Variants in OR4K1 observed in about 807,000 individuals in gnomAD.
OR4K1 encodes the protein olfactory receptor 4K1.
Under a neutral mutation model 14.4 loss-of-function variants are expected in OR4K1, and 16 were observed. That is an observed-to-expected ratio of 1.11 (90% CI 0.75 to 1.68). The LOEUF is 1.68. Among genes scored for constraint, OR4K1 ranks in the 40% most tolerant of loss-of-function variants. The pLI, the probability that OR4K1 is intolerant of heterozygous loss-of-function variation, is 0.00. For missense variants in OR4K1, 548 were observed against 376.9 expected, an observed-to-expected ratio of 1.45 and a Z score of -3.76; for synonymous variants, 181 against 133.1, an observed-to-expected ratio of 1.36 and a Z score of -2.48.
At chr14:19,934,401 G>C (rs1882256206) in intron 1 of OR4K1, among the ~76,000 whole-genome samples, 1 of 152,278 alleles carries the variant, frequency 6.6e-6, no homozygotes, top group Non-Finnish European at 1.5e-5. Flanking sequence ...AAAGGTGTTA[G>C]AGATTTTGAC....
upstream of OR4K1, among the ~76,000 whole-genome samples, chr14:19,929,901 T>C (rs1882148778): frequency 6.6e-6 from 1 of 152,250 alleles, no homozygotes; most frequent in African/African-American, 2.4e-5. Context: ...TTAGGCTTTA[T>C]GCTTTTGAAT....
chr14:19,936,150 T>C lies in OR4K1; in HGVS notation c.484T>C (p.Phe162Leu). ...TCTTCATTCTGTGAGCCACTTGGCTTTTACAGTGGACCTGCCATTCTGTGG... is the reference window on the plus strand; with the variant it reads ...TCTTCATTCTGTGAGCCACTTGGCTCTTACAGTGGACCTGCCATTCTGTGG... ...GVLHSVSHLA[F>L]TVDLPFCGPN... is the part of the protein sequence containing the mutation. The change falls in exon 2 of 2, where the codon TTT becomes CTT. Residue 162 changes from phenylalanine to leucine, a missense_variant. Transcript: ENST00000641172. 1 of 1,614,256 alleles carries C rather than the reference T, an allele frequency of 6.2e-7. No homozygotes were observed. The highest frequency in any genetic ancestry group is 1.1e-5 in the South Asian group (1 of 91,088).
At chr14:19,923,264 G>T in the OR4K1 span, among the ~76,000 whole-genome samples, 1 of 152,210 alleles carries the variant, frequency 6.6e-6, no homozygotes. Flanking sequence ...TTTCGTTAAT[G>T]CATGTGTTTA....
At chr14:19,926,375 T>G (rs544024148), upstream of OR4K1, among the ~76,000 whole-genome samples, 5 of 152,368 alleles carry the variant, frequency 3.3e-5, no homozygotes, top group South Asian at 1.0e-3. Context: ...ATGGTCATGA[T>G]AATCTATAGA....
chr14:19,931,574 A>T (rs1882185062), intron 1 of OR4K1, among the ~76,000 whole-genome samples: 1 of 152,252 alleles, frequency 6.6e-6, no homozygotes, highest in African/African-American at 2.4e-5. Context: ...GTTTGCTTCT[A>T]GGCTTATAGG....
intron 1 of OR4K1, among the ~76,000 whole-genome samples, chr14:19,933,072 T>A (rs1882221733): frequency 6.6e-6 from 1 of 151,486 alleles, no homozygotes; most frequent in Non-Finnish European, 1.5e-5. Flanking sequence ...TACTGTGTGA[T>A]TCATTTAAGT....
upstream of OR4K1, among the ~76,000 whole-genome samples, chr14:19,926,562 A>G (rs1405171483): frequency 6.6e-6 from 1 of 152,228 alleles, no homozygotes; most frequent in Non-Finnish European, 1.5e-5. Flanking sequence ...TAAAATACAC[A>G]TTATTTTGTT....
At chr14:19,928,969 T>G (rs1298595986), upstream of OR4K1, among the ~76,000 whole-genome samples, 1 of 151,976 alleles carries the variant, frequency 6.6e-6, no homozygotes, top group Non-Finnish European at 1.5e-5. Flanking sequence ...TTTTGATATA[T>G]CAAATCTAAA....
At chr14:19,929,731 C>T (rs960736933), upstream of OR4K1, among the ~76,000 whole-genome samples, 14 of 152,282 alleles carry the variant, frequency 9.2e-5, no homozygotes, top group African/African-American at 2.9e-4. Flanking sequence ...AGCCAGACAG[C>T]ACGAAAAACA....
chr14:19,931,551 T>C (rs546411009), intron 1 of OR4K1, among the ~76,000 whole-genome samples: 1 of 152,372 alleles, frequency 6.6e-6, no homozygotes, highest in Non-Finnish European at 1.5e-5. Context: ...TGGTCAGTAG[T>C]ATATCCTTTA....
chr14:19,922,074 C>CCT, the OR4K1 span, among the ~76,000 whole-genome samples: 2 of 129,176 alleles, frequency 1.5e-5, no homozygotes, highest in African/African-American at 5.4e-5. Context: ...GAGACTCCCC[C>CCT]CCCCAAAAAT....
chr14:19,926,978 C>T (rs1366876123), upstream of OR4K1, among the ~76,000 whole-genome samples: 1 of 152,202 alleles, frequency 6.6e-6, no homozygotes, highest in Non-Finnish European at 1.5e-5. Context: ...AAGTGACTGC[C>T]TACATGAAAA....
chr14:19,929,914 T>C (rs1467812987), upstream of OR4K1, among the ~76,000 whole-genome samples: 2 of 152,250 alleles, frequency 1.3e-5, no homozygotes, highest in African/African-American at 4.8e-5. Context: ...TTTTGAATTT[T>C]TCTTTGTAGT....
chr14:19,920,624 T>G, the OR4K1 span: 1 of 1,610,082 alleles, frequency 6.2e-7, no homozygotes, highest in South Asian at 1.1e-5. Flanking sequence ...AGTCCAATTC[T>G]TCAGTGGTGT....
At position 19,933,909 on chromosome 14, in the gene OR4K1, A is replaced by G. The variant is rs1228133468; in HGVS notation, c.-19-1739A>G. Among the ~76,000 whole-genome samples, 9 of 152,320 alleles carry G rather than the reference A, an allele frequency of 5.9e-5. No homozygotes were observed. In the East Asian group the frequency reaches 1.4e-3, roughly 23 times the overall value. On this transcript the variant is annotated intron_variant, in intron 1 of 1. Coordinates refer to ENST00000641172, the MANE Select transcript of OR4K1 (RefSeq NM_001004063.3). Reference sequence around the variant, plus strand: ...CTGCATTCTTCTTAAAACCAATTCAATTCTTCATAACCAATGCAAACACGG... The same window carrying G: ...CTGCATTCTTCTTAAAACCAATTCAGTTCTTCATAACCAATGCAAACACGG...
intron 1 of OR4K1, among the ~76,000 whole-genome samples, chr14:19,932,771 G>T (rs1329888643): frequency 6.6e-6 from 1 of 152,108 alleles, no homozygotes; most frequent in Admixed American, 6.6e-5. Context: ...TTGAATGGTA[G>T]CTACTTTGTA....
rs777525228 is a variant in OR4K1 at position 19,935,954 on chromosome 14, T to A, written c.288T>A (p.Gly96=). The A allele has an allele frequency of 6.2e-7, 1 of 1,614,232 alleles. No homozygotes were observed. The highest frequency in any genetic ancestry group is 2.2e-5 in the East Asian group (1 of 44,890). Residue 96 remains glycine (G), a synonymous_variant, in exon 2 of 2, where the codon GGT becomes GGA. Coordinates refer to ENST00000641172, the MANE Select transcript of OR4K1 (RefSeq NM_001004063.3). ...FIERKTISFE[G]CMAQIFVLHS... Reference sequence around the variant, plus strand: ...AGCGCAAGACTATCTCCTTTGAGGGTTGCATGGCCCAGATATTCGTTCTTC... The same window carrying A: ...AGCGCAAGACTATCTCCTTTGAGGGATGCATGGCCCAGATATTCGTTCTTC...
chr14:19,935,558 T>A (rs1190298415), intron 1 of OR4K1, 90 bp from the exon 2 acceptor site: 2 of 995,774 alleles, frequency 2.0e-6, no homozygotes, highest in African/African-American at 3.3e-5. Context: ...CTATTTCTTT[T>A]GTTTAGAATT....
At chr14:19,931,781 A>G (rs559785188) in intron 1 of OR4K1, among the ~76,000 whole-genome samples, 2 of 152,344 alleles carry the variant, frequency 1.3e-5, no homozygotes, top group African/African-American at 4.8e-5. Context: ...TCTCTGAGGT[A>G]TAGTGGCAAT....
Sources: gnomAD v4.1 joint callset for allele counts (sites outside exome capture counted in the v4.1 genomes callset) on GRCh38, gnomAD v4.1.1 for gene constraint, MANE v1.5 for transcripts, NCBI Gene and HGNC (gene_info 2026-07-23, HGNC 2026-07-21) for gene names.